Variants in GNAL observed in about 807,000 individuals in gnomAD.
GNAL encodes G protein subunit alpha L.
Under a neutral mutation model 55.1 loss-of-function variants are expected in GNAL, and 18 were observed. The observed-to-expected ratio is 0.33, with a 90% confidence interval of 0.23 to 0.48. The LOEUF (loss-of-function observed/expected upper bound fraction) is 0.48, where lower values mean the gene tolerates loss of function less well. Ranked by LOEUF, GNAL falls within the 20% of genes least tolerant of loss-of-function variation. The probability of loss-of-function intolerance (pLI) is 0.99; values close to 1 mark genes in which losing one functional copy is unlikely to be tolerated. For synonymous variants in GNAL, 253 were observed against 237.0 expected, an observed-to-expected ratio of 1.07 and a Z score of -0.62; for missense variants, 412 against 614.1, an observed-to-expected ratio of 0.67 and a Z score of 3.48.
intron 4 of GNAL, among the ~76,000 whole-genome samples, chr18:11,816,852 C>T (rs911374209): frequency 1.3e-5 from 2 of 149,338 alleles, no homozygotes; most frequent in Non-Finnish European, 3.0e-5. Context: ...TGTTAATGTA[C>T]GTAACAAAAT....
At chr18:11,870,171 T>C (rs968532260) in intron 9 of GNAL, among the ~76,000 whole-genome samples, 5 of 152,222 alleles carry the variant, frequency 3.3e-5, no homozygotes, top group African/African-American at 9.6e-5. Flanking sequence ...TATCAAGGGA[T>C]GACTCTATAT....
chr18:11,862,555 A>G (rs2036170837), intron 6 of GNAL, 106 bp downstream of exon 6: 4 of 1,010,736 alleles, frequency 4.0e-6, no homozygotes, highest in African/African-American at 1.6e-5. Flanking sequence ...TCCTTAAGAT[A>G]CCTACTTTTT....
In GNAL at chr18:11,774,874, A is replaced by G. The variant is rs150447326; in HGVS notation, c.624+20929A>G. On this transcript the variant is annotated intron_variant, in intron 4 of 11. Transcript: ENST00000334049. ...GTTTAGGTCGATAGACATTGCGGGT[A>G]TATTTCTAAGTCTTATTGAGGAAAT... Among the ~76,000 whole-genome samples, 33 of 152,322 alleles carry G rather than the reference A, an allele frequency of 2.2e-4. 1 individual carries two copies. The East Asian group carries it at 6.2e-3, about 28-fold the overall frequency.
intron 1 of GNAL, among the ~76,000 whole-genome samples, chr18:11,707,803 G>C (rs73397831): frequency 0.12 from 18,559 of 152,216 alleles, 2,405 homozygotes; most frequent in African/African-American, 0.33. Flanking sequence ...TAGATCTTCT[G>C]GTTAACTTTC....
In GNAL at chr18:11,786,436, C is replaced by CTTT. The variant is rs66803403; in HGVS notation, c.624+32519_624+32521dup. Among the ~76,000 whole-genome samples the CTTT allele has an allele frequency of 9.1e-3, 550 of 60,712 alleles. 100 individuals carry two copies. Among genetic ancestry groups the CTTT allele is most frequent in the African/African-American group, 0.011 (160 of 14,280 alleles). 39.8% of individuals were successfully genotyped at this position (60,712 alleles called of 152,430 possible). ...GGTGGGATAGATCTTCATACGTTTT[C>CTTT]TTTTTTTTTTTTTTTTTTTTTTTTT... On this transcript the variant is annotated intron_variant, in intron 4 of 11. Coordinates refer to ENST00000334049, the MANE Select transcript of GNAL (RefSeq NM_182978.4).
chr18:11,861,724 C>T (rs1304674798), intron 5 of GNAL, among the ~76,000 whole-genome samples: 2 of 152,164 alleles, frequency 1.3e-5, no homozygotes, highest in Non-Finnish European at 2.9e-5. Flanking sequence ...CGGCGCACAG[C>T]CTTCCTTGGC....
chr18:11,694,694 C>T (rs1468452097), intron 1 of GNAL, among the ~76,000 whole-genome samples: 5 of 152,160 alleles, frequency 3.3e-5, no homozygotes, highest in Admixed American at 3.3e-4. Flanking sequence ...TCTCAGATAA[C>T]TCCCATGGTC....
chr18:11,770,345 A>C (rs2143272099), intron 4 of GNAL, among the ~76,000 whole-genome samples: 1 of 152,336 alleles, frequency 6.6e-6, no homozygotes, highest in East Asian at 1.9e-4. Context: ...ACATCTGAAA[A>C]GAATGATATT....
Position 11,857,705 on chromosome 18 carries a change from G to C in GNAL, c.723-4690G>C, listed in dbSNP as rs566720936. 4.1e-6 allele frequency: 4 copies of C among 985,374 alleles called. No homozygotes were observed. In the East Asian group the frequency reaches 4.5e-4, roughly 112 times the overall value. The allele number at this position is 985,374 out of a possible 1,614,324, so 61.0% of individuals were successfully genotyped here. ...GGTCTGCCAGTGACGCCGATATGCT[G>C]CGAGTCTGGGAACCCCTTTTAAGGA... On this transcript the variant is annotated intron_variant, in intron 5 of 11. Transcript: ENST00000334049.
rs139975825 is a variant in GNAL at position 11,782,083 on chromosome 18, G to A, written c.624+28138G>A. Among the ~76,000 whole-genome samples, 569 of 152,274 alleles carry A rather than the reference G, an allele frequency of 3.7e-3. 1 individual carries two copies. Among genetic ancestry groups the A allele is most frequent in the African/African-American group, 0.013 (522 of 41,548 alleles). On this transcript the variant is annotated intron_variant, in intron 4 of 11. Coordinates refer to ENST00000334049, the MANE Select transcript of GNAL (RefSeq NM_182978.4). Reference sequence around the variant, plus strand: ...TGTAATCCTAGCAATTTGGGAAGTCGACATGGGCGGATCACTTGAGGCCAG... The same window carrying A: ...TGTAATCCTAGCAATTTGGGAAGTCAACATGGGCGGATCACTTGAGGCCAG...
At chr18:11,844,638 G>A (rs1043361555) in intron 5 of GNAL, among the ~76,000 whole-genome samples, 19 of 151,934 alleles carry the variant, frequency 1.3e-4, no homozygotes, top group African/African-American at 4.4e-4. Context: ...ACATGTCCCC[G>A]GGAACAGCAG....
At chr18:11,793,608 C>T (rs796234650) in intron 4 of GNAL, among the ~76,000 whole-genome samples, 4 of 138,574 alleles carry the variant, frequency 2.9e-5, no homozygotes, top group Non-Finnish European at 3.1e-5. Flanking sequence ...TACAACTCAA[C>T]GACAAAAAGA....
intron 4 of GNAL, among the ~76,000 whole-genome samples, chr18:11,792,516 T>G (rs1030382067): frequency 6.6e-6 from 1 of 152,198 alleles, no homozygotes; most frequent in Admixed American, 6.5e-5. Context: ...TTACTTGGTA[T>G]GTCTTAGCCA....
At chr18:11,774,429 G>A (rs982589134) in intron 4 of GNAL, among the ~76,000 whole-genome samples, 2 of 152,182 alleles carry the variant, frequency 1.3e-5, no homozygotes, top group Non-Finnish European at 2.9e-5. Context: ...ATGCATGAGC[G>A]CCCATCTAAA....
chr18:11,868,395 G>A lies in GNAL; in HGVS notation c.911-148G>A. 6.5e-6 allele frequency: 4 copies of A among 617,986 alleles called. No homozygotes were observed. Among genetic ancestry groups the A allele is most frequent in the South Asian group, 4.8e-5 (2 of 41,732 alleles). The allele number at this position is 617,986 out of a possible 1,614,324, so 38.3% of individuals were successfully genotyped here. ...GTTACTGAAGCAACCAGTGGTGCGC[G>A]GCGCACCTGCAGGCTGTTCTGTGAC... On this transcript the variant is annotated intron_variant, in intron 8 of 11. Coordinates refer to ENST00000334049, the MANE Select transcript of GNAL (RefSeq NM_182978.4). This position sits in a 1 kb window ranked among gnomAD's most constrained non-coding sequence, Gnocchi z 4.0.
chr18:11,829,685 C>T (rs193106885), intron 5 of GNAL, among the ~76,000 whole-genome samples: 43 of 152,230 alleles, frequency 2.8e-4, no homozygotes, highest in Admixed American at 2.4e-3. Flanking sequence ...ATTTAAATGC[C>T]CAGCTCCTAG....
intron 4 of GNAL, among the ~76,000 whole-genome samples, chr18:11,755,344 G>A (rs2033015002): frequency 6.6e-6 from 1 of 152,090 alleles, no homozygotes; most frequent in African/African-American, 2.4e-5. Flanking sequence ...CAGTGGCGCG[G>A]CTCACTGAAA....
At chr18:11,818,456 T>A (rs913556976) in intron 4 of GNAL, among the ~76,000 whole-genome samples, 1 of 152,220 alleles carries the variant, frequency 6.6e-6, no homozygotes, top group African/African-American at 2.4e-5. Flanking sequence ...TTTCTAAGGC[T>A]CATGTGATTA....
Position 11,752,691 on chromosome 18 carries a change from C to CCGCG in GNAL, c.377-161_377-158dup. On this transcript the variant is annotated intron_variant, in intron 1 of 11. Transcript: ENST00000334049. This position sits in a 1 kb window ranked among gnomAD's most constrained non-coding sequence, Gnocchi z 4.5. ...GGCGAGGGTCGCGCGCACCTCTGGG[C>CCGCG]CGCGGAGCCCAGACGGCGGCCGGGG... The CCGCG allele has an allele frequency of 8.0e-7, 1 of 1,245,480 alleles. No individual in the cohort carries two copies. The highest frequency in any genetic ancestry group is 1.1e-6 in the Non-Finnish European group (1 of 928,964). 77.2% of individuals were successfully genotyped at this position (1,245,480 alleles called of 1,614,324 possible). A position where few individuals can be genotyped will look rare whatever the true frequency, so the allele number is the denominator to read the frequency against.
Sources: gnomAD v4.1 joint callset for allele counts (sites outside exome capture counted in the v4.1 genomes callset) on GRCh38, gnomAD v4.1.1 for gene constraint, Gnocchi (gnomAD v3.1) non-coding constraint, MANE v1.5 for transcripts, NCBI Gene and HGNC (gene_info 2026-07-23, HGNC 2026-07-21) for gene names.